The following PPP3CA variants were observed in gnomAD, a reference collection of about 807,000 sequenced individuals.
PPP3CA encodes the protein CAM-PRP catalytic subunit.
PPP3CA carries 14 observed loss-of-function variants against 66.5 expected under a neutral mutation model. That is an observed-to-expected ratio of 0.21 (90% confidence interval 0.14 to 0.33). PPP3CA has a LOEUF of 0.33. Ranked by LOEUF, PPP3CA falls within the 10% of genes least tolerant of loss-of-function variation. The pLI is 1.00. For synonymous variants in PPP3CA, 232 were observed against 226.2 expected (o/e 1.03, Z -0.23); for missense variants, 317 against 639.5 (o/e 0.50, Z 5.44).
chr4:101,195,985 T>C lies in PPP3CA; in HGVS notation c.190A>G (p.Ile64Val), dbSNP rs760289268. ...AGAATTGATGCACCCTCTGTTATTA[T>C]TCTCAATGCAACACTCTCTTCCAGC... is the stretch of plus-strand genomic sequence containing the variant. The part of the protein sequence containing the change: ...GRLEESVALR[I>V]ITEGASILRQ... The change falls in exon 2 of 14, where the codon ATA (isoleucine) becomes GTA (valine). Residue 64 changes from isoleucine to valine, a missense_variant. This residue lies in a region of PPP3CA where 76 missense variants were observed against 99.5 expected (regional missense o/e 0.76). Coordinates refer to ENST00000394854, the MANE Select transcript of PPP3CA (RefSeq NM_000944.5). The C allele has an allele frequency of 1.9e-6, 3 of 1,614,096 alleles. No individual in the cohort carries two copies. Among genetic ancestry groups the C allele is most frequent in the Non-Finnish European group, 2.5e-6 (3 of 1,179,984 alleles).
intron 6 of PPP3CA, among the ~76,000 whole-genome samples, chr4:101,085,772 TA>T (rs1283281321): frequency 6.6e-6 from 1 of 152,132 alleles, no homozygotes; most frequent in Admixed American, 6.5e-5. Flanking sequence ...GTTCCACTTT[TA>T]TGCTTTTTAA....
At chr4:101,204,684 G>A (rs991847422) in intron 1 of PPP3CA, among the ~76,000 whole-genome samples, 8 of 149,368 alleles carry the variant, frequency 5.4e-5, no homozygotes, top group African/African-American at 2.0e-4. Context: ...TCCAGTGATT[G>A]ACACATGGAC....
chr4:101,232,591 C>T (rs1362945165), intron 1 of PPP3CA, among the ~76,000 whole-genome samples: 4 of 151,728 alleles, frequency 2.6e-5, no homozygotes, highest in Admixed American at 2.0e-4. Context: ...GTCTCAATAC[C>T]TTATGACTGA....
intron 2 of PPP3CA, among the ~76,000 whole-genome samples, chr4:101,151,568 A>C (rs928451293): frequency 7.9e-5 from 12 of 151,732 alleles, no homozygotes; most frequent in Non-Finnish European, 1.3e-4. Flanking sequence ...CAAAAAAAAA[A>C]AAAAGAAATG....
Position 101,347,086 on chromosome 4 carries a change from C to A in PPP3CA, c.-290G>T, listed in dbSNP as rs1219207829. On this transcript the variant is annotated 5_prime_UTR_variant, in exon 1 of 14. Transcript: ENST00000394854. Reference sequence around the variant, plus strand: ...ATTTATTTATTTTCTGAGCACGCCTCCCGGTTCTTCTTTTATTCTTGGGGG... The same window carrying A: ...ATTTATTTATTTTCTGAGCACGCCTACCGGTTCTTCTTTTATTCTTGGGGG... 1 of 535,546 alleles carries A rather than the reference C, an allele frequency of 1.9e-6. No homozygotes were observed. The highest frequency in any genetic ancestry group is 2.0e-5 in the African/African-American group (1 of 48,968). The allele number at this position is 535,546 out of a possible 1,614,324, so 33.2% of individuals were successfully genotyped here.
chr4:101,310,349 G>C (rs754852556), intron 1 of PPP3CA, among the ~76,000 whole-genome samples: 6 of 152,114 alleles, frequency 3.9e-5, no homozygotes, highest in Non-Finnish European at 8.8e-5. Flanking sequence ...TTTTCAAAAA[G>C]AGTGATACTT....
intron 1 of PPP3CA, among the ~76,000 whole-genome samples, chr4:101,341,210 T>TTC (rs1233493687): frequency 6.7e-6 from 1 of 149,536 alleles, no homozygotes; most frequent in African/African-American, 2.4e-5. Context: ...TTCTTTTTCT[T>TTC]TTTTTTTTTT....
intron 1 of PPP3CA, among the ~76,000 whole-genome samples, chr4:101,245,852 C>T (rs1726459907): frequency 1.3e-5 from 2 of 151,980 alleles, no homozygotes; most frequent in African/African-American, 4.8e-5. Flanking sequence ...CTTCAGAACA[C>T]ACATTAAAGA....
chr4:101,273,139 T>TATTA (rs10644136), intron 1 of PPP3CA, among the ~76,000 whole-genome samples: 139,649 of 151,948 alleles, frequency 0.92, 64,378 homozygotes, highest in African/African-American at 0.98. Flanking sequence ...GTAGGATAGA[T>TATTA]ATTGTTTTGA....
At chr4:101,210,129 C>T (rs903393658) in intron 1 of PPP3CA, among the ~76,000 whole-genome samples, 3 of 152,110 alleles carry the variant, frequency 2.0e-5, no homozygotes, top group Non-Finnish European at 4.4e-5. Flanking sequence ...ACCAAGCTTT[C>T]CTCACCATTA....
At chr4:101,082,368 T>C (rs1729479022) in intron 7 of PPP3CA, among the ~76,000 whole-genome samples, 1 of 152,174 alleles carries the variant, frequency 6.6e-6, no homozygotes, top group South Asian at 2.1e-4. Flanking sequence ...GGTATCTATA[T>C]TCCCAATTTC....
At position 101,029,243 on chromosome 4, in the gene PPP3CA, G is replaced by A. The variant is rs374891444; in HGVS notation, c.1340-48C>T. ...AAAATGAATGAGAAAAATGAGCAGAGGATTTTTTAACTCTAAGAACAAATC... is the reference window on the plus strand; with the variant it reads ...AAAATGAATGAGAAAAATGAGCAGAAGATTTTTTAACTCTAAGAACAAATC... On this transcript the variant is annotated intron_variant, in intron 12 of 13. Coordinates refer to ENST00000394854, the MANE Select transcript of PPP3CA (RefSeq NM_000944.5). 32 of 1,513,266 alleles carry A rather than the reference G, an allele frequency of 2.1e-5. 1 individual carries two copies. In the African/African-American group the frequency reaches 3.9e-4, roughly 19 times the overall value. The allele number at this position is 1,513,266 out of a possible 1,614,324, so 93.7% of individuals were successfully genotyped here.
chr4:101,302,727 TATC>T (rs1728418758), intron 1 of PPP3CA, among the ~76,000 whole-genome samples: 1 of 152,198 alleles, frequency 6.6e-6, no homozygotes, highest in African/African-American at 2.4e-5. Flanking sequence ...TTTTCAATAT[TATC>T]ATTCCAATTG....
chr4:101,268,005 T>C (rs1430433203), intron 1 of PPP3CA, among the ~76,000 whole-genome samples: 2 of 152,006 alleles, frequency 1.3e-5, no homozygotes, highest in Non-Finnish European at 2.9e-5. Flanking sequence ...ACCTCGTCTC[T>C]ACAAAAATAT....
chr4:101,330,740 G>A (rs183647362), intron 1 of PPP3CA, among the ~76,000 whole-genome samples: 5 of 152,080 alleles, frequency 3.3e-5, no homozygotes, highest in East Asian at 3.9e-4. Flanking sequence ...AAAAGGCAAC[G>A]TCTACAAAAA....
chr4:101,098,702 T>C (rs1415362608), intron 4 of PPP3CA, among the ~76,000 whole-genome samples, 190 bp from the exon 5 acceptor site: 2 of 152,172 alleles, frequency 1.3e-5, no homozygotes, highest in Non-Finnish European at 2.9e-5. Flanking sequence ...TAGTATTTCC[T>C]GTTTTTGTCA....
chr4:101,135,113 A>G (rs1722574725), intron 2 of PPP3CA, among the ~76,000 whole-genome samples: 1 of 152,098 alleles, frequency 6.6e-6, no homozygotes, highest in South Asian at 2.1e-4. Flanking sequence ...AGAAATACCT[A>G]ATGTACATGA....
At chr4:101,100,936 T>C (rs1730413021) in intron 3 of PPP3CA, among the ~76,000 whole-genome samples, 1 of 152,160 alleles carries the variant, frequency 6.6e-6, no homozygotes, top group African/African-American at 2.4e-5. Context: ...TGATAATTTA[T>C]GAAATGAGTG....
At chr4:101,230,213 T>A (rs138656989) in intron 1 of PPP3CA, among the ~76,000 whole-genome samples, 80 of 151,754 alleles carry the variant, frequency 5.3e-4, no homozygotes, top group African/African-American at 1.8e-3. Flanking sequence ...TTTTAATATG[T>A]CAACCAGATT....
Sources: gnomAD v4.1 joint callset for allele counts (sites outside exome capture counted in the v4.1 genomes callset) on GRCh38, gnomAD v4.1.1 for gene constraint, gnomAD v4.1.1 regional missense constraint, MANE v1.5 for transcripts, NCBI Gene and HGNC (gene_info 2026-07-23, HGNC 2026-07-21) for gene names.